Variants in HMGA2 observed in about 807,000 individuals in gnomAD.
HMGA2 encodes high mobility group protein HMGI-C.
Under a neutral mutation model 19.1 loss-of-function variants are expected in HMGA2, and 8 were observed. The observed-to-expected ratio is 0.42, with a 90% CI of 0.25 to 0.76. The LOEUF (loss-of-function observed/expected upper bound fraction) is 0.76, where lower values mean the gene tolerates loss of function less well. HMGA2 is among the 30% of genes least tolerant of loss of function. HMGA2 has a pLI of 0.28. For synonymous variants in HMGA2, 60 were observed against 48.8 expected (o/e 1.23, Z -0.96); for missense variants, 109 against 136.3 (o/e 0.80, Z 1.00).
intron 3 of HMGA2, among the ~76,000 whole-genome samples, chr12:65,860,412 G>A (rs1373830365): frequency 1.3e-5 from 2 of 152,174 alleles, no homozygotes; most frequent in African/African-American, 4.8e-5. Flanking sequence ...CCATCGTAAA[G>A]CCAAAAAATT....
intron 3 of HMGA2, chr12:65,867,061 T>G: frequency 4.9e-6 from 2 of 407,768 alleles, no homozygotes; most frequent in Non-Finnish European, 9.8e-6. Flanking sequence ...GGAGAGTGTG[T>G]GAGGAAAGAA....
chr12:65,871,412 G>C (rs1194922944), intron 3 of HMGA2, among the ~76,000 whole-genome samples: 1 of 152,076 alleles, frequency 6.6e-6, no homozygotes, highest in African/African-American at 2.4e-5. Flanking sequence ...CTGCTCTATT[G>C]TGTCTTTCTG....
chr12:65,897,465 A>T (rs1874178932), intron 3 of HMGA2, among the ~76,000 whole-genome samples: 1 of 152,238 alleles, frequency 6.6e-6, no homozygotes, highest in South Asian at 2.1e-4. Context: ...TACATTAGGC[A>T]TCCTGATAGA....
chr12:65,957,393 A>G (rs1416026027), intron 4 of HMGA2: 1 of 152,024 alleles, frequency 6.6e-6, no homozygotes, highest in African/African-American at 2.4e-5. Flanking sequence ...TTATCCCAGC[A>G]CTTTGGGAGG....
chr12:65,853,819 A>G (rs74097815), intron 3 of HMGA2, among the ~76,000 whole-genome samples: 10,421 of 152,162 alleles, frequency 0.068, 1,044 homozygotes, highest in African/African-American at 0.22. Flanking sequence ...CTGGATCTCA[A>G]ATAGAAATAT....
At chr12:65,848,507 T>C (rs1184400254) in intron 3 of HMGA2, among the ~76,000 whole-genome samples, 1 of 152,220 alleles carries the variant, frequency 6.6e-6, no homozygotes, top group Non-Finnish European at 1.5e-5. Flanking sequence ...CCTAGGCTTA[T>C]GTCAACATGG....
chr12:65,924,159 C>A (rs942090670), intron 3 of HMGA2, among the ~76,000 whole-genome samples: 1 of 152,154 alleles, frequency 6.6e-6, no homozygotes, highest in Non-Finnish European at 1.5e-5. Flanking sequence ...TTGGCTTATT[C>A]AGGGCAGTGG....
chr12:65,924,801 A>G (rs1875447565), intron 3 of HMGA2, among the ~76,000 whole-genome samples: 1 of 152,202 alleles, frequency 6.6e-6, no homozygotes, highest in Non-Finnish European at 1.5e-5. Flanking sequence ...CGTCTCCAAA[A>G]AAACAAAAAA....
At chr12:65,942,978 A>G (rs1175989211) in intron 3 of HMGA2, among the ~76,000 whole-genome samples, 1 of 152,064 alleles carries the variant, frequency 6.6e-6, no homozygotes, top group African/African-American at 2.4e-5. Flanking sequence ...CATTTTCCCT[A>G]TTATAAAGAA....
intron 3 of HMGA2, chr12:65,855,949 A>T (rs1345975126): frequency 6.6e-6 from 1 of 152,006 alleles, no homozygotes; most frequent in African/African-American, 2.4e-5. Flanking sequence ...TACGAATTAC[A>T]AGTGATATTC....
At chr12:65,936,155 G>A (rs1161938616) in intron 3 of HMGA2, among the ~76,000 whole-genome samples, 1 of 150,920 alleles carries the variant, frequency 6.6e-6, no homozygotes, top group Admixed American at 6.6e-5. Flanking sequence ...GTTGTTCCTT[G>A]TTAATATTAT....
chr12:65,838,998 C>CTTTTTTTT, intron 3 of HMGA2, among the ~76,000 whole-genome samples: 12 of 107,228 alleles, frequency 1.1e-4, no homozygotes, highest in Admixed American at 3.4e-4. Flanking sequence ...TTTTCTTTTT[C>CTTTTTTTT]TTTTTTTTTT....
chr12:65,848,529 T>C (rs1432177210), intron 3 of HMGA2, among the ~76,000 whole-genome samples: 1 of 152,188 alleles, frequency 6.6e-6, no homozygotes, highest in African/African-American at 2.4e-5. Flanking sequence ...AGTAAGTACT[T>C]CAGTTAGAAT....
chr12:65,889,794 G>A (rs60216674), intron 3 of HMGA2, among the ~76,000 whole-genome samples: 3,048 of 152,292 alleles, frequency 0.02, 48 homozygotes, highest in East Asian at 0.037. Context: ...GCACAATGAG[G>A]TAAAGGCATC....
Position 65,825,296 on chromosome 12 carries a change from G to T in HMGA2, c.26G>T (p.Gly9Val). The T allele has an allele frequency of 6.5e-7, 1 of 1,534,414 alleles. No homozygotes were observed. MSARGEGA[G>V]QPSTSAQGQP... ...ATGAGCGCACGCGGTGAGGGCGCGG[G>T]GCAGCCGTCCACTTCAGCCCAGGGA... is the stretch of plus-strand genomic sequence containing the variant. Residue 9 changes from glycine to valine, a missense_variant, in exon 1 of 5, where the codon GGG becomes GTG. Transcript: ENST00000403681. The surrounding 1 kb of genome is among the most constrained non-coding windows in gnomAD (Gnocchi z 4.4).
At chr12:65,940,278 G>A (rs902371076) in intron 3 of HMGA2, among the ~76,000 whole-genome samples, 56 of 152,096 alleles carry the variant, frequency 3.7e-4, no homozygotes, top group Non-Finnish European at 7.4e-4. Flanking sequence ...TAGCAGGATA[G>A]GATTTCTACT....
chr12:65,842,820 G>A (rs1350681934), intron 3 of HMGA2: 28 of 1,363,120 alleles, frequency 2.1e-5, no homozygotes, highest in African/African-American at 1.3e-4. Context: ...AAAGGAGCTC[G>A]TCACATACCT....
At chr12:65,851,030 C>T (rs1336634535) in intron 3 of HMGA2, among the ~76,000 whole-genome samples, 3 of 152,172 alleles carry the variant, frequency 2.0e-5, no homozygotes, top group African/African-American at 4.8e-5. Flanking sequence ...TATCTTCCTA[C>T]TTGGGGTACT....
At chr12:65,915,242 G>A in intron 3 of HMGA2, 1 of 1,566,752 alleles carries the variant, frequency 6.4e-7, no homozygotes, top group South Asian at 1.1e-5. Context: ...AAACCTATCA[G>A]GTGTCTTTTA....
Sources: gnomAD v4.1 joint callset for allele counts (sites outside exome capture counted in the v4.1 genomes callset) on GRCh38, gnomAD v4.1.1 for gene constraint, Gnocchi (gnomAD v3.1) non-coding constraint, MANE v1.5 for transcripts, NCBI Gene and HGNC (gene_info 2026-07-23, HGNC 2026-07-21) for gene names.